The following RSRC1 variants were observed in gnomAD, a reference collection of about 807,000 sequenced individuals.
RSRC1 encodes serine/Arginine-related protein 53.
RSRC1 carries 39 observed loss-of-function variants against 49.1 expected under a neutral mutation model. The observed-to-expected ratio is 0.79, with a 90% CI of 0.61 to 1.04. RSRC1 has a LOEUF of 1.04. RSRC1 is among the 50% of genes least tolerant of loss of function. The pLI is 0.00. For synonymous variants in RSRC1, 143 were observed against 130.8 expected (o/e 1.09, Z -0.63); for missense variants, 388 against 402.4 (o/e 0.96, Z 0.31).
At chr3:158,161,901 A>C (rs1718247436) in intron 3 of RSRC1, among the ~76,000 whole-genome samples, 1 of 152,192 alleles carries the variant, frequency 6.6e-6, no homozygotes, top group Non-Finnish European at 1.5e-5. Context: ...GCTCTTATCA[A>C]AAGTGGTTTA....
At chr3:158,530,884 T>C (rs1470766419) in intron 7 of RSRC1, among the ~76,000 whole-genome samples, 1 of 114,472 alleles carries the variant, frequency 8.7e-6, no homozygotes, top group African/African-American at 3.4e-5. Context: ...CCCTAAAACT[T>C]AGAGTATAAT....
chr3:158,489,136 A>G (rs1738955404), intron 7 of RSRC1, among the ~76,000 whole-genome samples: 1 of 152,240 alleles, frequency 6.6e-6, no homozygotes, highest in Non-Finnish European at 1.5e-5. Context: ...GGAGTTGGAA[A>G]TAGTTTTGTT....
rs114528136 is a variant in RSRC1 at position 158,112,307 on chromosome 3, A to G, written c.-3+2084A>G. 7.0e-3 allele frequency among the ~76,000 whole-genome samples: 1,059 copies of G among 152,340 alleles called. 16 individuals are homozygous for G. Among genetic ancestry groups the G allele is most frequent in the African/African-American group, 0.024 (994 of 41,574 alleles). On this transcript the variant is annotated intron_variant, in intron 1 of 9. Transcript: ENST00000611884. ...TTCTTCCTTACTAGGACTATGTAAT[A>G]TAAATTGATTACCATGTCTTGAATT...
At chr3:158,269,888 C>G (rs1199520470) in intron 4 of RSRC1, among the ~76,000 whole-genome samples, 1 of 152,242 alleles carries the variant, frequency 6.6e-6, no homozygotes, top group South Asian at 2.1e-4. Context: ...AGAACAAGAA[C>G]AACAAGAAAA....
At chr3:158,444,478 G>T (rs181996643) in intron 6 of RSRC1, among the ~76,000 whole-genome samples, 2 of 152,024 alleles carry the variant, frequency 1.3e-5, no homozygotes, top group Non-Finnish European at 2.9e-5. Context: ...AAACTGGATC[G>T]CTTCCTTACA....
intron 6 of RSRC1, among the ~76,000 whole-genome samples, chr3:158,397,227 G>A (rs915216233): frequency 3.9e-5 from 6 of 152,140 alleles, no homozygotes; most frequent in African/African-American, 1.4e-4. Flanking sequence ...TTTACAATTG[G>A]TTGTTTAGAC....
chr3:158,458,060 G>A (rs1030936483), intron 6 of RSRC1, among the ~76,000 whole-genome samples: 1 of 152,098 alleles, frequency 6.6e-6, no homozygotes, highest in Non-Finnish European at 1.5e-5. Flanking sequence ...AAGGATTGAT[G>A]AACGTAAAAG....
intron 3 of RSRC1, among the ~76,000 whole-genome samples, chr3:158,138,004 C>G (rs1716513190): frequency 6.6e-6 from 1 of 152,050 alleles, no homozygotes. Context: ...AGGTTTTTAA[C>G]TGCAGTGCCA....
chr3:158,165,032 A>C (rs1322624794), intron 3 of RSRC1, among the ~76,000 whole-genome samples: 1 of 152,218 alleles, frequency 6.6e-6, no homozygotes, highest in Non-Finnish European at 1.5e-5. Flanking sequence ...GAGGTTGAGT[A>C]TACTAAAATA....
intron 7 of RSRC1, among the ~76,000 whole-genome samples, chr3:158,467,229 G>C (rs1324286070): frequency 6.6e-6 from 1 of 152,096 alleles, no homozygotes; most frequent in Non-Finnish European, 1.5e-5. Flanking sequence ...GCTCTAAGCT[G>C]TATGAAAAAT....
At chr3:158,337,126 G>A (rs1053151187) in intron 5 of RSRC1, among the ~76,000 whole-genome samples, 1 of 152,218 alleles carries the variant, frequency 6.6e-6, no homozygotes, top group Admixed American at 6.5e-5. Context: ...ATGAAGAACA[G>A]GTCCTCTGCC....
chr3:158,532,574 A>T (rs566406342), intron 7 of RSRC1, among the ~76,000 whole-genome samples: 1 of 151,970 alleles, frequency 6.6e-6, no homozygotes, highest in East Asian at 1.9e-4. Context: ...AACTAATACA[A>T]TTTTTTAAAA....
chr3:158,162,952 A>G (rs765753860), intron 3 of RSRC1, among the ~76,000 whole-genome samples: 9 of 152,200 alleles, frequency 5.9e-5, no homozygotes, highest in Middle Eastern at 3.4e-3. Flanking sequence ...TCTTTTGGAT[A>G]TTGTGTTATT....
At chr3:158,131,359 T>G (rs1485628873) in intron 3 of RSRC1, among the ~76,000 whole-genome samples, 2 of 152,176 alleles carry the variant, frequency 1.3e-5, no homozygotes, top group Non-Finnish European at 2.9e-5. Flanking sequence ...TGAATACATT[T>G]TCGTCTTTTT....
At chr3:158,206,913 A>G (rs1721373353) in intron 4 of RSRC1, among the ~76,000 whole-genome samples, 1 of 152,108 alleles carries the variant, frequency 6.6e-6, no homozygotes, top group African/African-American at 2.4e-5. Flanking sequence ...GACTCCGTTT[A>G]AAAAAACAAA....
chr3:158,455,202 T>C (rs1285077240), intron 6 of RSRC1, among the ~76,000 whole-genome samples: 1 of 152,168 alleles, frequency 6.6e-6, no homozygotes, highest in Non-Finnish European at 1.5e-5. Context: ...TTTGTTCTCA[T>C]CTGCTTTCTG....
intron 4 of RSRC1, among the ~76,000 whole-genome samples, chr3:158,279,043 C>T (rs148578929): frequency 7.5e-4 from 114 of 152,302 alleles, no homozygotes; most frequent in South Asian, 6.2e-3. Flanking sequence ...CACTTCACTG[C>T]GCCTTAAAAA....
At chr3:158,137,984 G>A (rs576375784) in intron 3 of RSRC1, among the ~76,000 whole-genome samples, 3 of 152,068 alleles carry the variant, frequency 2.0e-5, no homozygotes, top group East Asian at 1.9e-4. Context: ...TTTCATAGAC[G>A]TTTTTTCTCA....
chr3:158,159,452 G>T (rs1188900381), intron 3 of RSRC1, among the ~76,000 whole-genome samples: 2 of 152,134 alleles, frequency 1.3e-5, no homozygotes, highest in East Asian at 3.8e-4. Flanking sequence ...GCTTTCACAT[G>T]CATTTTTTGT....
Sources: gnomAD v4.1 joint callset for allele counts (sites outside exome capture counted in the v4.1 genomes callset) on GRCh38, gnomAD v4.1.1 for gene constraint, MANE v1.5 for transcripts, NCBI Gene and HGNC (gene_info 2026-07-23, HGNC 2026-07-21) for gene names.